Variants in NRCAM observed in about 807,000 individuals in gnomAD.
NRCAM encodes NgCAM-related cell adhesion molecule.
In NRCAM, 83 loss-of-function variants were observed where a neutral mutation model predicts 156.5. That is an observed-to-expected ratio of 0.53 (90% CI 0.44 to 0.64). The LOEUF is 0.64. Among genes scored for constraint, NRCAM ranks in the 30% least tolerant of loss-of-function variants. The pLI, the probability that NRCAM is intolerant of heterozygous loss-of-function variation, is 0.00. For missense variants in NRCAM, 1,417 were observed against 1,597.3 expected (o/e 0.89, Z 1.92); for synonymous variants, 538 against 563.9 (o/e 0.95, Z 0.65).
chr7:108,444,315 G>C (rs996794972), intron 1 of NRCAM, among the ~76,000 whole-genome samples: 3 of 152,032 alleles, frequency 2.0e-5, no homozygotes, highest in Non-Finnish European at 2.9e-5. Flanking sequence ...TGGATACTGA[G>C]GGATGACTCT....
At chr7:108,439,832 CAAAA>C (rs34432715) in intron 1 of NRCAM, among the ~76,000 whole-genome samples, 3 of 70,448 alleles carry the variant, frequency 4.3e-5, no homozygotes, top group Non-Finnish European at 2.6e-5. Context: ...GACTCCGTCA[CAAAA>C]AAAAAAAAAA....
At chr7:108,446,465 C>G (rs1598390321) in intron 1 of NRCAM, among the ~76,000 whole-genome samples, 1 of 152,182 alleles carries the variant, frequency 6.6e-6, no homozygotes, top group African/African-American at 2.4e-5. Context: ...TGCACACACT[C>G]ATTTATCAAA....
intron 5 of NRCAM, 59 bp downstream of exon 5, chr7:108,237,693 A>G: frequency 7.5e-7 from 1 of 1,342,090 alleles, no homozygotes; most frequent in Non-Finnish European, 1.0e-6. Flanking sequence ...TATTAATTCA[A>G]AAAGCAAAGA....
intron 1 of NRCAM, among the ~76,000 whole-genome samples, chr7:108,405,426 G>A (rs1203943866): frequency 1.3e-5 from 2 of 152,128 alleles, no homozygotes; most frequent in Non-Finnish European, 2.9e-5. Flanking sequence ...TGGGACTCAG[G>A]GCTTGCAAAC....
In NRCAM at chr7:108,184,739, G is replaced by T. The variant is rs1586957682; in HGVS notation, c.2036-125C>A. ...CAAACATGAATTATTTTACTTTCAA[G>T]AAAAATGCCATTAAAATATTTTGAT... On this transcript the variant is annotated intron_variant, in intron 20 of 32. Transcript: ENST00000379028. 37 of 676,190 alleles carry T rather than the reference G, an allele frequency of 5.5e-5. No individual in the cohort carries two copies. The East Asian group carries it at 1.0e-3, about 19-fold the overall frequency. 41.9% of individuals were successfully genotyped at this position (676,190 alleles called of 1,614,324 possible).
intron 3 of NRCAM, among the ~76,000 whole-genome samples, chr7:108,297,734 AAAAAT>A (rs924808225): frequency 6.6e-6 from 1 of 152,230 alleles, no homozygotes; most frequent in African/African-American, 2.4e-5. Flanking sequence ...TACAGAGAAA[AAAAAT>A]AAAACAAAGG....
At chr7:108,172,878 A>G (rs2059037224) in intron 28 of NRCAM, among the ~76,000 whole-genome samples, 1 of 152,188 alleles carries the variant, frequency 6.6e-6, no homozygotes, top group African/African-American at 2.4e-5. Context: ...AAGAAAGTTT[A>G]AAAATGTAAA....
chr7:108,289,775 C>A (rs1481455209), intron 3 of NRCAM, among the ~76,000 whole-genome samples: 1 of 152,022 alleles, frequency 6.6e-6, no homozygotes, highest in Admixed American at 6.6e-5. Context: ...GTCTCCAGAC[C>A]CCCAGCATCA....
At chr7:108,226,101 G>C in intron 9 of NRCAM, 107 bp downstream of exon 9, 1 of 765,280 alleles carries the variant, frequency 1.3e-6, no homozygotes, top group Non-Finnish European at 2.1e-6. Context: ...GTGGCTTCCT[G>C]ATAATGAACC....
rs1270777439 is a variant in NRCAM, at chr7:108,155,101, T to TATATACACAC, written c.3677+4361_3677+4362insGTGTGTATAT. 1.7e-3 allele frequency among the ~76,000 whole-genome samples: 207 copies of TATATACACAC among 123,100 alleles called. 1 individual carries two copies. Among genetic ancestry groups the TATATACACAC allele is most frequent in the African/African-American group, 7.2e-3 (205 of 28,296 alleles). The allele number at this position is 123,100 out of a possible 152,430, so 80.8% of individuals were successfully genotyped here. On this transcript the variant is annotated intron_variant, in intron 32 of 32. Transcript: ENST00000379028. ...GATTTAAAAGTCATATATATATATATACACACACACACACACACACACACA... is the reference window on the plus strand; with the variant it reads ...GATTTAAAAGTCATATATATATATATATATACACACACACACACACACACACACACACACA...
intron 3 of NRCAM, among the ~76,000 whole-genome samples, chr7:108,277,707 G>A (rs776430692): frequency 6.6e-6 from 1 of 152,026 alleles, no homozygotes; most frequent in Non-Finnish European, 1.5e-5. Context: ...GGAGAAGTGT[G>A]TTACTACCAA....
intron 1 of NRCAM, among the ~76,000 whole-genome samples, chr7:108,443,965 T>C (rs572326185): frequency 1.3e-5 from 2 of 152,110 alleles, no homozygotes; most frequent in African/African-American, 4.8e-5. Context: ...GATATAGATA[T>C]AGATGATGAG....
intron 3 of NRCAM, among the ~76,000 whole-genome samples, chr7:108,305,443 AG>A (rs2098701234): frequency 6.6e-6 from 1 of 152,026 alleles, no homozygotes; most frequent in African/African-American, 2.4e-5. Flanking sequence ...TTTTTGCCCC[AG>A]GGAACGAAGC....
chr7:108,455,769 CCCCG>C (rs1755812875), intron 1 of NRCAM, among the ~76,000 whole-genome samples: 1 of 152,194 alleles, frequency 6.6e-6, no homozygotes, highest in African/African-American at 2.4e-5. Context: ...CCGGCCCGGC[CCCCG>C]CGCTCCTCGC....
At chr7:108,326,702 GACC>G (rs2099072645) in intron 2 of NRCAM, among the ~76,000 whole-genome samples, 2 of 152,140 alleles carry the variant, frequency 1.3e-5, no homozygotes, top group Non-Finnish European at 2.9e-5. Flanking sequence ...GTAAACATGA[GACC>G]TAGGGAAGGT....
intron 1 of NRCAM, among the ~76,000 whole-genome samples, chr7:108,428,920 T>C (rs1047108797): frequency 1.5e-5 from 2 of 130,394 alleles, no homozygotes; most frequent in East Asian, 4.8e-4. Flanking sequence ...TGACATGCCA[T>C]TGTGACCTAA....
At chr7:108,176,018 G>A (rs917915454) in intron 27 of NRCAM, among the ~76,000 whole-genome samples, 40 of 151,990 alleles carry the variant, frequency 2.6e-4, no homozygotes, top group African/African-American at 9.4e-4. Context: ...ACCAGAACTC[G>A]AATTACATAT....
chr7:108,274,572 T>G (rs2097521236), intron 3 of NRCAM, among the ~76,000 whole-genome samples: 1 of 152,192 alleles, frequency 6.6e-6, no homozygotes, highest in Non-Finnish European at 1.5e-5. Context: ...ATGCTTGTGG[T>G]TTTTGCACAT....
At chr7:108,152,512 AC>A (rs2042286531) in intron 32 of NRCAM, among the ~76,000 whole-genome samples, 1 of 135,658 alleles carries the variant, frequency 7.4e-6, no homozygotes, top group South Asian at 2.6e-4. Context: ...GCTGCCTTTA[AC>A]TCTGAGTGAG....
Sources: gnomAD v4.1 joint callset for allele counts (sites outside exome capture counted in the v4.1 genomes callset) on GRCh38, gnomAD v4.1.1 for gene constraint, MANE v1.5 for transcripts, NCBI Gene and HGNC (gene_info 2026-07-23, HGNC 2026-07-21) for gene names.